The following CIC variants were observed in gnomAD, a reference collection of about 807,000 sequenced individuals.
CIC encodes protein capicua homolog.
Under a neutral mutation model 115.7 loss-of-function variants are expected in CIC, and 18 were observed. The observed-to-expected ratio is 0.16, with a 90% CI of 0.11 to 0.23. The LOEUF is 0.23. Ranked by LOEUF, CIC falls within the 10% of genes least tolerant of loss-of-function variation. CIC has a pLI of 1.00. For missense variants in CIC, 2,000 were observed against 2,159.3 expected, an observed-to-expected ratio of 0.93 and a Z score of 1.46; for synonymous variants, 1,076 against 923.0, an observed-to-expected ratio of 1.17 and a Z score of -3.01.
intron 2 of CIC, among the ~76,000 whole-genome samples, chr19:42,285,729 C>G (rs899303848): frequency 6.6e-6 from 1 of 152,170 alleles, no homozygotes; most frequent in African/African-American, 2.4e-5. Flanking sequence ...TCCACTTCCC[C>G]CAGGGAGCCA....
At chr19:42,291,888 G>T in intron 12 of CIC, 143 bp downstream of exon 12, 1 of 1,300,414 alleles carries the variant, frequency 7.7e-7, no homozygotes, top group East Asian at 2.3e-5. Flanking sequence ...TGTGCATCCT[G>T]ACTCTCTCAA....
chr19:42,286,810 C>T lies in CIC; in HGVS notation c.2834C>T (p.Pro945Leu), dbSNP rs2037681714. ...GAACCTCGCTCTGTGGCTGTGTTCC[C>T]TTGGCACTCCTTAGTCCCCTTCCTG... ...NVEPRSVAVF[P>L]WHSLVPFLAP... The change falls in exon 3 of 21, where the codon CCT becomes CTT. Residue 945 changes from proline to leucine, a missense_variant. By Grantham distance (98) the Pro-to-Leu change is moderately conservative. Transcript: ENST00000681038. 6.2e-7 allele frequency: 1 copy of T among 1,613,990 alleles called. No individual in the cohort carries two copies.
chr19:42,295,143 G>GGGGGGGCCCCCCCCCC lies in CIC; in HGVS notation c.7506_7507insGGGGGGCCCCCCCCCC (p.Pro2503GlyfsTer25). 4.3e-6 allele frequency: 6 copies of GGGGGGGCCCCCCCCCC among 1,382,708 alleles called. No homozygotes were observed. The highest frequency in any genetic ancestry group is 5.8e-6 in the Non-Finnish European group (6 of 1,037,802). The allele number at this position is 1,382,708 out of a possible 1,614,324, so 85.7% of individuals were successfully genotyped here. Reference sequence around the variant, plus strand: ...AGCCTGGCTGGGAGGGGGCTCCCCAGCCCTCCCCCCCACCCCCAGGTCCCT... The same window carrying GGGGGGGCCCCCCCCCC: ...AGCCTGGCTGGGAGGGGGCTCCCCAGGGGGGGCCCCCCCCCCCCCTCCCCCCCACCCCCAGGTCCCT... On this transcript the variant is annotated frameshift_variant, in exon 21 of 21. Coordinates refer to ENST00000681038, the MANE Select transcript of CIC (RefSeq NM_001386298.1). LOFTEE classifies it high-confidence loss of function.
intron 2 of CIC, among the ~76,000 whole-genome samples, chr19:42,282,363 G>C (rs1385451985): frequency 6.6e-6 from 1 of 152,308 alleles, no homozygotes; most frequent in Non-Finnish European, 1.5e-5. Flanking sequence ...TCCAACCTGT[G>C]TAAGAGCCCA....
chr19:42,294,389 A>T, intron 19 of CIC, 85 bp downstream of exon 19: 1 of 1,592,286 alleles, frequency 6.3e-7, no homozygotes, highest in Non-Finnish European at 8.5e-7. Flanking sequence ...TGAGAGAGGT[A>T]GGGTGGGTCC....
In CIC at chr19:42,295,143, G is replaced by GGGGCGC; in HGVS notation, c.7506_7507insGGGCGC (p.Gln2502_Pro2503insGlyArg). ...AGCCTGGCTGGGAGGGGGCTCCCCA[G>GGGGCGC]CCCTCCCCCCCACCCCCAGGTCCCT... On this transcript the variant is annotated inframe_insertion, in exon 21 of 21. Coordinates refer to ENST00000681038, the MANE Select transcript of CIC (RefSeq NM_001386298.1). 8.7e-6 allele frequency: 12 copies of GGGGCGC among 1,382,684 alleles called. No individual in the cohort carries two copies. Among genetic ancestry groups the GGGGCGC allele is most frequent in the African/African-American group, 1.5e-5 (1 of 68,108 alleles). 85.7% of individuals were successfully genotyped at this position (1,382,684 alleles called of 1,614,324 possible).
intron 2 of CIC, among the ~76,000 whole-genome samples, chr19:42,282,678 C>T (rs2037313177): frequency 6.6e-6 from 1 of 152,232 alleles, no homozygotes. Flanking sequence ...GAGCTCTGGG[C>T]TGGTACATCT....
At chr19:42,274,704 A>G (rs1301202986) in intron 2 of CIC, 127 bp downstream of exon 2, 4 of 397,722 alleles carry the variant, frequency 1.0e-5, no homozygotes, top group Non-Finnish European at 1.3e-5. Flanking sequence ...TCCTCTCTGC[A>G]CAGATGTTGC....
Position 42,292,631 on chromosome 19 carries a change from C to T in CIC, c.5968C>T (p.Pro1990Ser), listed in dbSNP as rs2038219782. 2 of 1,613,418 alleles carry T rather than the reference C, an allele frequency of 1.2e-6. No homozygotes were observed. Among genetic ancestry groups the T allele is most frequent in the Admixed American group, 1.7e-5 (1 of 60,008 alleles). Residue 1990 changes from proline (P) to serine (S), a missense_variant, in exon 15 of 21, where the codon CCG becomes TCG. Transcript: ENST00000681038. ...GTCACCTGTGCCCAGTCCCCAGCTG[C>T]CGCCTGCCTGTGCAGCCCCCGGAGG... ...GVSPVPSPQLPPACAAPGGPV... is the reference protein window; with the variant it reads ...GVSPVPSPQLSPACAAPGGPV...
At chr19:42,288,114 G>A (rs1254942856) in intron 7 of CIC, 139 bp downstream of exon 7, 3 of 942,134 alleles carry the variant, frequency 3.2e-6, no homozygotes, top group African/African-American at 1.6e-5. Flanking sequence ...ATCCGTAAAG[G>A]AACCGGCAGT....
In CIC at chr19:42,280,714, C is replaced by G. The variant is rs989331782; in HGVS notation, c.2795-6057C>G. ...CACAAAGCGGCTTTGTGGAGCCTGC[C>G]GGGGGTTGGCTGGGGGCCAGGCGGC... On this transcript the variant is annotated intron_variant, in intron 2 of 20. Transcript: ENST00000681038. The surrounding 1 kb of genome is among the most constrained non-coding windows in gnomAD (Gnocchi z 4.9). Among the ~76,000 whole-genome samples, 1 of 152,038 alleles carries G rather than the reference C, an allele frequency of 6.6e-6. No individual in the cohort carries two copies. The highest frequency in any genetic ancestry group is 1.5e-5 in the Non-Finnish European group (1 of 67,986).
At chr19:42,275,722 C>T (rs2147040323) in intron 2 of CIC, among the ~76,000 whole-genome samples, 1 of 152,274 alleles carries the variant, frequency 6.6e-6, no homozygotes, top group African/African-American at 2.4e-5. Context: ...CTGTATTGCC[C>T]AGGCTGGTCT....
In CIC at chr19:42,289,161, C is replaced by CT. The variant is rs1568509270; in HGVS notation, c.3862-19dup. On this transcript the variant is annotated intron_variant, in intron 8 of 20. Transcript: ENST00000681038. ...CAGGGCAGCAGCCCCGCTGAACCCT[C>CT]TCTGCCACCTATCCTGCAGATGGTG... 1 of 1,613,286 alleles carries CT rather than the reference C, an allele frequency of 6.2e-7. No homozygotes were observed. The highest frequency in any genetic ancestry group is 2.2e-5 in the East Asian group (1 of 44,880).
chr19:42,289,746 C>G lies in CIC; in HGVS notation c.4088-102C>G, dbSNP rs554372778. On this transcript the variant is annotated intron_variant, in intron 9 of 20. Transcript: ENST00000681038. The stretch of plus-strand genomic sequence containing the variant: ...GGAGTAGCCTTCCTGGACAGCACTC[C>G]CTGCCGGTTTGGAGCAGAGCTGAGA... 5.0e-5 allele frequency: 54 copies of G among 1,070,548 alleles called. No homozygotes were observed. The East Asian group carries it at 1.4e-3, about 28-fold the overall frequency. The allele number at this position is 1,070,548 out of a possible 1,614,324, so 66.3% of individuals were successfully genotyped here. A position where few individuals can be genotyped will look rare whatever the true frequency, so the allele number is the denominator to read the frequency against.
chr19:42,289,944 G>A lies in CIC; in HGVS notation c.4184G>A (p.Gly1395Asp), dbSNP rs1568511345. 1 of 1,603,260 alleles carries A rather than the reference G, an allele frequency of 6.2e-7. No individual in the cohort carries two copies. The highest frequency in any genetic ancestry group is 1.7e-5 in the Admixed American group (1 of 58,148). ...SGDSSGEDPE[G>D]NKGFGRKVFS... The stretch of plus-strand genomic sequence containing the variant: ...GACAGCTCTGGGGAGGACCCAGAGG[G>A]CAACAAGGTGAGGGCTTGGGTCACG... Residue 1395 changes from glycine to aspartate, a missense_variant, in exon 10 of 21, where the codon GGC becomes GAC. Around this residue, in one of 8 missense-constraint regions of CIC, gnomAD observed 1,466 missense variants for 1,390.4 expected, o/e 1.05. Transcript: ENST00000681038.
rs2037191229 is a variant in CIC, at chr19:42,280,643, G to A, written c.2794+6066G>A. ...GCCAGCTGGCCGGCGCCCCGCCGCG[G>A]CCCGCGTGGGTGTCAGGCCGGCCGG... On this transcript the variant is annotated intron_variant, in intron 2 of 20. Transcript: ENST00000681038. The surrounding 1 kb of genome is among the most constrained non-coding windows in gnomAD (Gnocchi z 4.9). Among the ~76,000 whole-genome samples, 1 of 152,124 alleles carries A rather than the reference G, an allele frequency of 6.6e-6. No homozygotes were observed.
chr19:42,293,676 A>G lies in CIC; in HGVS notation c.6607A>G (p.Ser2203Gly). ...TCGTGGGGAGCCTCCCACTCCTCCC[A>G]GCCCGGCCCCAGCTCCAGCTGTAGC... ...ENRGEPPTPP[S>G]PAPAPAVAPG... Residue 2203 changes from serine to glycine, a missense_variant, in exon 17 of 21, where the codon AGC becomes GGC. Coordinates refer to ENST00000681038, the MANE Select transcript of CIC (RefSeq NM_001386298.1). 2 of 1,612,788 alleles carry G rather than the reference A, an allele frequency of 1.2e-6. No individual in the cohort carries two copies. Among genetic ancestry groups the G allele is most frequent in the Non-Finnish European group, 1.7e-6 (2 of 1,179,760 alleles).
intron 16 of CIC, 118 bp from the exon 17 acceptor site, chr19:42,293,474 G>C: frequency 6.5e-7 from 1 of 1,540,978 alleles, no homozygotes. Flanking sequence ...TCCTGAGGCC[G>C]TGTGACAGCC....
chr19:42,287,887 C>G lies in CIC; in HGVS notation c.3570C>G (p.Ala1190=). The G allele has an allele frequency of 6.2e-7, 1 of 1,611,312 alleles. No individual in the cohort carries two copies. The highest frequency in any genetic ancestry group is 8.5e-7 in the Non-Finnish European group (1 of 1,178,774). The change falls in exon 7 of 21, where the codon GCC becomes GCG. Residue 1190 remains alanine, a synonymous_variant. Coordinates refer to ENST00000681038, the MANE Select transcript of CIC (RefSeq NM_001386298.1). The surrounding 1 kb of genome is among the most constrained non-coding windows in gnomAD (Gnocchi z 8.7). ...ACCGAAAGAAGTCCAGCTCAGAGGC[C>G]AAGCCCACGAGCCTGGGGCTGGCAG... ...NKDRKKSSSE[A]KPTSLGLAGG...
Sources: allele counts gnomAD v4.1 joint callset (sites outside exome capture counted in the v4.1 genomes callset), GRCh38; gene constraint gnomAD v4.1.1; regional missense constraint gnomAD v4.1.1; non-coding constraint Gnocchi (gnomAD v3.1); transcripts MANE v1.5; gene names NCBI Gene and HGNC (gene_info 2026-07-23, HGNC 2026-07-21).